Variants in THSD7B observed in about 807,000 individuals in gnomAD.
THSD7B encodes the protein thrombospondin type 1 domain containing 7B.
A neutral mutation model predicts 213.6 loss-of-function variants in THSD7B; 138 were observed. The ratio of observed to expected loss-of-function variants is 0.65; its 90% CI spans 0.56 to 0.74. The LOEUF (loss-of-function observed/expected upper bound fraction) is 0.74, where lower values mean the gene tolerates loss of function less well. Among genes scored for constraint, THSD7B ranks in the 30% least tolerant of loss-of-function variants. The pLI, the probability that THSD7B is intolerant of heterozygous loss-of-function variation, is 0.00. For missense variants in THSD7B, 1,931 were observed against 1,991.5 expected, an observed-to-expected ratio of 0.97 and a Z score of 0.58; for synonymous variants, 742 against 687.0, an observed-to-expected ratio of 1.08 and a Z score of -1.25.
chr2:136,952,490 A>G (rs1685053338), intron 2 of THSD7B, among the ~76,000 whole-genome samples: 2 of 144,638 alleles, frequency 1.4e-5, no homozygotes, highest in Admixed American at 7.1e-5. Context: ...TCCTGGAAAT[A>G]TCTGAGATGA....
chr2:137,285,392 C>T (rs1421899747), intron 12 of THSD7B, among the ~76,000 whole-genome samples: 1 of 151,960 alleles, frequency 6.6e-6, no homozygotes, highest in Non-Finnish European at 1.5e-5. Context: ...AGCATGTAGC[C>T]CATTAGCATT....
In THSD7B at chr2:137,676,350, TAACA is replaced by T. The variant is rs141376867; in HGVS notation, c.4740-169_4740-166del. Among the ~76,000 whole-genome samples the T allele has an allele frequency of 4.7e-3, 718 of 152,318 alleles. 6 individuals carry two copies. Among genetic ancestry groups the T allele is most frequent in the African/African-American group, 0.017 (695 of 41,572 alleles). ...ATTGTGAAAAATGATGGCTTCTCCT[TAACA>T]AACAGAGGGTGAAAGCATTCAATAT... On this transcript the variant is annotated intron_variant, in intron 27 of 27. Transcript: ENST00000409968.
intron 15 of THSD7B, among the ~76,000 whole-genome samples, chr2:137,554,265 T>G (rs1388233800): frequency 2.0e-5 from 3 of 152,190 alleles, no homozygotes; most frequent in Non-Finnish European, 4.4e-5. Flanking sequence ...ATTGTTTCAA[T>G]TCAACCAATA....
intron 2 of THSD7B, among the ~76,000 whole-genome samples, chr2:136,923,186 T>C (rs538198805): frequency 4.6e-5 from 7 of 152,364 alleles, no homozygotes; most frequent in African/African-American, 1.7e-4. Flanking sequence ...CTTTAGCTAC[T>C]TCATATGAGT....
At chr2:137,665,563 C>A (rs1029966564) in intron 26 of THSD7B, among the ~76,000 whole-genome samples, 1 of 151,688 alleles carries the variant, frequency 6.6e-6, no homozygotes, top group Admixed American at 6.6e-5. Context: ...ATTAGAGCAC[C>A]CTGTCAGGAG....
At chr2:137,075,808 AG>A (rs1687608505) in intron 3 of THSD7B, among the ~76,000 whole-genome samples, 1 of 152,210 alleles carries the variant, frequency 6.6e-6, no homozygotes, top group Admixed American at 6.5e-5. Flanking sequence ...TCAAACAGAC[AG>A]GACCCTCAGC....
intron 4 of THSD7B, among the ~76,000 whole-genome samples, chr2:137,095,428 C>G (rs976234573): frequency 7.2e-5 from 11 of 152,090 alleles, no homozygotes; most frequent in Admixed American, 4.6e-4. Context: ...GCTCAGTAAC[C>G]ATTAGCTATT....
chr2:137,648,525 T>C (rs1226871585), intron 21 of THSD7B, among the ~76,000 whole-genome samples: 2 of 152,178 alleles, frequency 1.3e-5, no homozygotes, highest in South Asian at 2.1e-4. Context: ...GAGCTCCAGT[T>C]CCATTTATGT....
intron 1 of THSD7B, among the ~76,000 whole-genome samples, chr2:136,864,713 C>A (rs772464189): frequency 6.6e-6 from 1 of 152,084 alleles, no homozygotes; most frequent in Non-Finnish European, 1.5e-5. Flanking sequence ...CCACCATGCC[C>A]GGCTAGTTTT....
intron 6 of THSD7B, among the ~76,000 whole-genome samples, chr2:137,163,945 G>T (rs1680068270): frequency 6.6e-6 from 1 of 152,160 alleles, no homozygotes; most frequent in South Asian, 2.1e-4. Context: ...TTCCTTAGTT[G>T]ATTTTCTCCA....
At chr2:136,923,917 G>A (rs1046306460) in intron 2 of THSD7B, among the ~76,000 whole-genome samples, 1 of 152,054 alleles carries the variant, frequency 6.6e-6, no homozygotes, top group African/African-American at 2.4e-5. Context: ...TTTTCACTCT[G>A]TTGATTGCAT....
At chr2:137,583,597 TC>T (rs1238386848) in intron 17 of THSD7B, among the ~76,000 whole-genome samples, 3 of 152,236 alleles carry the variant, frequency 2.0e-5, no homozygotes, top group Non-Finnish European at 4.4e-5. Context: ...AAATAGGGAA[TC>T]CTTTCCCCAT....
At chr2:136,914,132 G>A (rs543552893) in intron 2 of THSD7B, among the ~76,000 whole-genome samples, 2 of 152,302 alleles carry the variant, frequency 1.3e-5, no homozygotes, top group South Asian at 4.1e-4. Context: ...GTGAGACCTG[G>A]AGTCAAAGGA....
intron 3 of THSD7B, among the ~76,000 whole-genome samples, chr2:137,072,504 C>A (rs1687514559): frequency 6.6e-6 from 1 of 152,060 alleles, no homozygotes; most frequent in African/African-American, 2.4e-5. Flanking sequence ...AGATTTTGGG[C>A]TGAGATGATG....
chr2:137,074,653 G>A (rs1333099249), intron 3 of THSD7B, among the ~76,000 whole-genome samples: 9 of 152,098 alleles, frequency 5.9e-5, no homozygotes, highest in African/African-American at 1.2e-4. Context: ...TATTTTGCTC[G>A]TTGGTTGATG....
intron 12 of THSD7B, among the ~76,000 whole-genome samples, chr2:137,334,569 T>A (rs1273329298): frequency 1.3e-5 from 2 of 152,086 alleles, no homozygotes; most frequent in East Asian, 3.9e-4. Context: ...TCCCCATTCC[T>A]CCAGCCCTAC....
intron 20 of THSD7B, among the ~76,000 whole-genome samples, chr2:137,627,985 G>T (rs1250827956): frequency 6.6e-6 from 1 of 152,188 alleles, no homozygotes; most frequent in Non-Finnish European, 1.5e-5. Context: ...GCAATTAGCT[G>T]AATCTTTCTG....
chr2:136,903,165 T>C lies in THSD7B; in HGVS notation c.139+20848T>C, dbSNP rs538342038. Among the ~76,000 whole-genome samples the C allele has an allele frequency of 2.6e-5, 4 of 152,190 alleles. No individual in the cohort carries two copies. The South Asian group carries it at 8.3e-4, about 32-fold the overall frequency. On this transcript the variant is annotated intron_variant, in intron 2 of 27. Transcript: ENST00000409968. Reference sequence around the variant, plus strand: ...ACAGCTACCCCAAAAAGGTGTTTTTTTTAAAAAAAATATGAAATTAGATAA... The same window carrying C: ...ACAGCTACCCCAAAAAGGTGTTTTTCTTAAAAAAAATATGAAATTAGATAA...
At chr2:137,578,227 T>A (rs761818302) in intron 17 of THSD7B, among the ~76,000 whole-genome samples, 4 of 152,130 alleles carry the variant, frequency 2.6e-5, no homozygotes, top group Non-Finnish European at 2.9e-5. Context: ...GTACAGGAAG[T>A]TGAAATTTGA....
Sources: gnomAD v4.1 joint callset for allele counts (sites outside exome capture counted in the v4.1 genomes callset) on GRCh38, gnomAD v4.1.1 for gene constraint, MANE v1.5 for transcripts, NCBI Gene and HGNC (gene_info 2026-07-23, HGNC 2026-07-21) for gene names.